The following GRID1 variants were observed in gnomAD, a reference collection of about 807,000 sequenced individuals.
The protein encoded by GRID1 is glutamate receptor ionotropic, delta-1.
A neutral mutation model predicts 98.0 loss-of-function variants in GRID1; 28 were observed. The observed-to-expected ratio is 0.29, with a 90% CI of 0.21 to 0.39. The LOEUF (loss-of-function observed/expected upper bound fraction) is 0.39, where lower values mean the gene tolerates loss of function less well. Among genes scored for constraint, GRID1 ranks in the 10% least tolerant of loss-of-function variants. The pLI, the probability that GRID1 is intolerant of heterozygous loss-of-function variation, is 1.00. For synonymous variants in GRID1, 553 were observed against 538.5 expected (o/e 1.03, Z -0.37); for missense variants, 1,111 against 1,340.5 (o/e 0.83, Z 2.67).
chr10:85,990,032 T>C (rs547343267), intron 4 of GRID1, among the ~76,000 whole-genome samples: 33 of 152,204 alleles, frequency 2.2e-4, no homozygotes, highest in Non-Finnish European at 3.1e-4. Flanking sequence ...ATTCTGAATC[T>C]GTCTGCACTT....
At chr10:85,915,174 C>A (rs2131823673) in intron 5 of GRID1, among the ~76,000 whole-genome samples, 1 of 152,166 alleles carries the variant, frequency 6.6e-6, no homozygotes, top group Middle Eastern at 3.4e-3. Flanking sequence ...TACACTTATC[C>A]CTACACGTAC....
intron 4 of GRID1, among the ~76,000 whole-genome samples, chr10:86,047,638 T>C (rs143331197): frequency 3.3e-4 from 50 of 151,894 alleles, no homozygotes; most frequent in South Asian, 1.3e-3. Context: ...TCTGGGTTAA[T>C]TGGAACCCAG....
chr10:86,241,549 C>A (rs548385349), intron 2 of GRID1, among the ~76,000 whole-genome samples: 1 of 152,260 alleles, frequency 6.6e-6, no homozygotes, highest in Non-Finnish European at 1.5e-5. Flanking sequence ...TCCCCCCCAC[C>A]GCTATCTGGT....
At chr10:86,324,576 G>T (rs945506403) in intron 2 of GRID1, among the ~76,000 whole-genome samples, 1 of 148,076 alleles carries the variant, frequency 6.8e-6, no homozygotes, top group African/African-American at 2.4e-5. Context: ...AGGACACAGG[G>T]CCGCTGTTGA....
chr10:86,037,570 T>A (rs905811374), intron 4 of GRID1, among the ~76,000 whole-genome samples: 6 of 152,210 alleles, frequency 3.9e-5, no homozygotes, highest in African/African-American at 1.4e-4. Flanking sequence ...GTTATTGTCT[T>A]AGGAAGCCTT....
chr10:85,602,378 C>G lies in GRID1; in HGVS notation c.2925G>C (p.Leu975=). 6.2e-7 allele frequency: 1 copy of G among 1,606,506 alleles called. No individual in the cohort carries two copies. The highest frequency in any genetic ancestry group is 8.5e-7 in the Non-Finnish European group (1 of 1,174,348). ...GGGTCTTCACCGGGCTCTGCCGGAA[C>G]AGCCCCCCGTTGGGTGACCTGTGTT... ...QCKHRSPNGG[L]FRQSPVKTPI... The change falls in exon 16 of 16, where the codon CTG becomes CTC. Residue 975 remains leucine, a synonymous_variant. Coordinates refer to ENST00000327946, the MANE Select transcript of GRID1 (RefSeq NM_017551.3).
At chr10:86,005,028 T>A (rs552598773) in intron 4 of GRID1, among the ~76,000 whole-genome samples, 1 of 152,268 alleles carries the variant, frequency 6.6e-6, no homozygotes, top group East Asian at 1.9e-4. Context: ...AGGAAAGCAA[T>A]GAAATATTTT....
intron 4 of GRID1, among the ~76,000 whole-genome samples, chr10:86,000,174 C>T (rs1842787662): frequency 6.6e-6 from 1 of 152,138 alleles, no homozygotes; most frequent in Non-Finnish European, 1.5e-5. Flanking sequence ...TTTCCATATA[C>T]TAGCAATGTA....
At chr10:86,212,620 G>A (rs980139550) in intron 2 of GRID1, among the ~76,000 whole-genome samples, 2 of 152,110 alleles carry the variant, frequency 1.3e-5, no homozygotes, top group South Asian at 2.1e-4. Flanking sequence ...GAGCCACCTC[G>A]TTCCTCCAAT....
At chr10:85,667,709 G>A (rs1457762603) in intron 12 of GRID1, among the ~76,000 whole-genome samples, 1 of 152,224 alleles carries the variant, frequency 6.6e-6, no homozygotes, top group Non-Finnish European at 1.5e-5. Flanking sequence ...CCCCAGAACT[G>A]AGCACAGCCC....
chr10:86,177,120 T>TC (rs1845586396), intron 3 of GRID1, among the ~76,000 whole-genome samples: 1 of 147,328 alleles, frequency 6.8e-6, no homozygotes, highest in South Asian at 2.2e-4. Flanking sequence ...GATCCCGACC[T>TC]CCCCCGAGAG....
intron 4 of GRID1, among the ~76,000 whole-genome samples, chr10:86,037,257 A>G (rs893568688): frequency 1.3e-5 from 2 of 152,166 alleles, no homozygotes; most frequent in Non-Finnish European, 2.9e-5. Context: ...AGAGTTAATC[A>G]CACTTTGTTA....
chr10:86,227,810 T>C (rs1846377727), intron 2 of GRID1, among the ~76,000 whole-genome samples: 1 of 152,112 alleles, frequency 6.6e-6, no homozygotes. Flanking sequence ...TTCCCACCAC[T>C]AGACTGTGAG....
At chr10:85,768,510 A>G (rs1400413594) in intron 8 of GRID1, among the ~76,000 whole-genome samples, 1 of 152,200 alleles carries the variant, frequency 6.6e-6, no homozygotes, top group Admixed American at 6.5e-5. Context: ...AATCTCTTTG[A>G]TGTATAAAAC....
At position 86,366,442 on chromosome 10, in the gene GRID1, G is replaced by T. The variant is rs767881513; in HGVS notation, c.-50C>A. 2.2e-6 allele frequency: 3 copies of T among 1,341,922 alleles called. No individual in the cohort carries two copies. The highest frequency in any genetic ancestry group is 3.0e-6 in the Non-Finnish European group (3 of 1,002,784). The allele number at this position is 1,341,922 out of a possible 1,614,324, so 83.1% of individuals were successfully genotyped here. The stretch of plus-strand genomic sequence containing the variant: ...ACCCGGGCCCGGGGCGAGGCCGAGG[G>T]CAGCGCGAAGCGGGGAGGCGCTGGT... On this transcript the variant is annotated 5_prime_UTR_variant, in exon 1 of 16. Coordinates refer to ENST00000327946, the MANE Select transcript of GRID1 (RefSeq NM_017551.3). The surrounding 1 kb of genome is among the most constrained non-coding windows in gnomAD (Gnocchi z 4.1).
At chr10:85,679,314 G>T (rs1841180805) in intron 12 of GRID1, among the ~76,000 whole-genome samples, 1 of 152,188 alleles carries the variant, frequency 6.6e-6, no homozygotes, top group African/African-American at 2.4e-5. Flanking sequence ...CCTGTCGAAG[G>T]CTTTGTCTGA....
At chr10:86,304,176 T>C (rs531816508) in intron 2 of GRID1, among the ~76,000 whole-genome samples, 1 of 152,316 alleles carries the variant, frequency 6.6e-6, no homozygotes, top group East Asian at 1.9e-4. Context: ...TCCTGCCTCC[T>C]CAATAGCCTG....
chr10:85,940,254 T>C (rs1485030654), intron 4 of GRID1, among the ~76,000 whole-genome samples: 1 of 152,104 alleles, frequency 6.6e-6, no homozygotes, highest in African/African-American at 2.4e-5. Flanking sequence ...CAAGACTCTC[T>C]TGTTTTTTCC....
At chr10:85,961,990 TA>T (rs1842274026) in intron 4 of GRID1, among the ~76,000 whole-genome samples, 1 of 149,752 alleles carries the variant, frequency 6.7e-6, no homozygotes, top group African/African-American at 2.5e-5. Flanking sequence ...AAGAAGAAAA[TA>T]AGGAAGCAAA....
Sources: allele counts gnomAD v4.1 joint callset (sites outside exome capture counted in the v4.1 genomes callset), GRCh38; gene constraint gnomAD v4.1.1; non-coding constraint Gnocchi (gnomAD v3.1); transcripts MANE v1.5; gene names NCBI Gene and HGNC (gene_info 2026-07-23, HGNC 2026-07-21).